Variants in LRP1B observed in about 807,000 individuals in gnomAD.
The protein encoded by LRP1B is LDL receptor related protein 1B, also known as low-density lipoprotein receptor-related protein 1B.
A neutral mutation model predicts 556.6 loss-of-function variants in LRP1B; 217 were observed. The ratio of observed to expected loss-of-function variants is 0.39; its 90% CI spans 0.35 to 0.44. The LOEUF is 0.44. Among genes scored for constraint, LRP1B ranks in the 20% least tolerant of loss-of-function variants. The probability of loss-of-function intolerance (pLI) is 1.00; values close to 1 mark genes in which losing one functional copy is unlikely to be tolerated. For synonymous variants in LRP1B, 2,047 were observed against 1,865.8 expected (o/e 1.10, Z -2.50); for missense variants, 5,053 against 5,620.8 (o/e 0.90, Z 3.23).
chr2:141,511,047 A>C (rs1684113360), intron 2 of LRP1B, among the ~76,000 whole-genome samples: 1 of 152,136 alleles, frequency 6.6e-6, no homozygotes, highest in Admixed American at 6.6e-5. Flanking sequence ...TAATAAGGTT[A>C]GAGTAGCTAG....
At chr2:141,091,689 T>G (rs1444119604) in intron 7 of LRP1B, among the ~76,000 whole-genome samples, 1 of 152,174 alleles carries the variant, frequency 6.6e-6, no homozygotes, top group Admixed American at 6.5e-5. Context: ...CCTGAAACAC[T>G]GAGCTGGAAT....
chr2:141,790,875 A>G (rs1008891273), intron 2 of LRP1B, among the ~76,000 whole-genome samples: 7 of 152,004 alleles, frequency 4.6e-5, no homozygotes, highest in African/African-American at 1.7e-4. Flanking sequence ...TTTGTTGTAT[A>G]GAAATACAAT....
intron 3 of LRP1B, among the ~76,000 whole-genome samples, chr2:141,440,563 G>C (rs991872579): frequency 4.6e-5 from 7 of 152,220 alleles, no homozygotes; most frequent in Non-Finnish European, 8.8e-5. Flanking sequence ...AGGGGTTAAC[G>C]CTCTGATCTT....
intron 41 of LRP1B, among the ~76,000 whole-genome samples, chr2:140,678,793 G>C (rs114094717): frequency 0.012 from 1,748 of 149,830 alleles, 35 homozygotes; most frequent in African/African-American, 0.04. Context: ...TTTTGGTTGG[G>C]GGGGAATGGA....
intron 1 of LRP1B, among the ~76,000 whole-genome samples, chr2:141,979,522 T>G (rs1287900758): frequency 6.6e-6 from 1 of 152,094 alleles, no homozygotes; most frequent in Admixed American, 6.6e-5. Context: ...TTATTTTATA[T>G]TTTTTCAGGT....
chr2:140,665,213 C>T (rs987737238), intron 41 of LRP1B, among the ~76,000 whole-genome samples: 3 of 152,150 alleles, frequency 2.0e-5, no homozygotes, highest in Non-Finnish European at 4.4e-5. Flanking sequence ...TACTTTTATT[C>T]ATAGAAATTT....
intron 6 of LRP1B, among the ~76,000 whole-genome samples, chr2:141,202,515 T>A (rs753573898): frequency 1.6e-4 from 25 of 152,232 alleles, no homozygotes; most frequent in Non-Finnish European, 3.4e-4. Context: ...ATGGTTGAAC[T>A]AATTAACACT....
chr2:141,129,567 G>A (rs1701297633), intron 7 of LRP1B, among the ~76,000 whole-genome samples: 1 of 150,620 alleles, frequency 6.6e-6, no homozygotes, highest in Non-Finnish European at 1.5e-5. Context: ...TAACAGTAGT[G>A]TGTGTGGGGG....
At chr2:141,754,906 A>C (rs550066904) in intron 2 of LRP1B, among the ~76,000 whole-genome samples, 1 of 152,258 alleles carries the variant, frequency 6.6e-6, no homozygotes, top group African/African-American at 2.4e-5. Context: ...TTTCCTCCAA[A>C]ATATCTAATT....
Position 141,259,934 on chromosome 2 carries a change from C to T in LRP1B, c.344-5293G>A, listed in dbSNP as rs577701383. Among the ~76,000 whole-genome samples the T allele has an allele frequency of 2.6e-5, 4 of 152,186 alleles. No homozygotes were observed. The East Asian group carries it at 7.7e-4, about 29-fold the overall frequency. On this transcript the variant is annotated intron_variant, in intron 3 of 90. Transcript: ENST00000389484. Reference sequence around the variant, plus strand: ...AGTTTATCATTTAAGCTGAATCATCCATTTAGTATAACAGAATTTCTATTG... The same window carrying T: ...AGTTTATCATTTAAGCTGAATCATCTATTTAGTATAACAGAATTTCTATTG...
chr2:140,273,100 G>C lies in LRP1B; in HGVS notation c.13142+1324C>G, dbSNP rs1038791795. 3.3e-5 allele frequency among the ~76,000 whole-genome samples: 5 copies of C among 151,934 alleles called. No individual in the cohort carries two copies. In the South Asian group the frequency reaches 8.3e-4, roughly 25 times the overall value. On this transcript the variant is annotated intron_variant, in intron 85 of 90. Transcript: ENST00000389484. ...CACATGAGCTTTTCCAAGGTAAAAT[G>C]GGTAGGAAACTTTGGCTCACACCAT...
At chr2:140,927,950 T>C (rs1238277724) in intron 20 of LRP1B, among the ~76,000 whole-genome samples, 1 of 152,060 alleles carries the variant, frequency 6.6e-6, no homozygotes, top group Non-Finnish European at 1.5e-5. Context: ...TTCACCATGT[T>C]GTCCAGGCAG....
At chr2:141,121,693 CA>C (rs1412542049) in intron 7 of LRP1B, among the ~76,000 whole-genome samples, 3 of 152,046 alleles carry the variant, frequency 2.0e-5, no homozygotes, top group African/African-American at 7.2e-5. Context: ...TTTATAGATT[CA>C]ATGCCATCCC....
At chr2:140,409,435 G>T (rs1422158011) in intron 66 of LRP1B, among the ~76,000 whole-genome samples, 1 of 151,926 alleles carries the variant, frequency 6.6e-6, no homozygotes, top group East Asian at 1.9e-4. Flanking sequence ...TTGATGAAAA[G>T]TAACAAGTTC....
intron 2 of LRP1B, among the ~76,000 whole-genome samples, chr2:141,753,195 C>A (rs1694182267): frequency 7.1e-6 from 1 of 139,954 alleles, no homozygotes; most frequent in African/African-American, 2.7e-5. Context: ...TTGCGGTGAG[C>A]CCAGATTGCA....
At chr2:142,108,798 G>A (rs1007997192) in intron 1 of LRP1B, among the ~76,000 whole-genome samples, 3 of 152,024 alleles carry the variant, frequency 2.0e-5, no homozygotes, top group South Asian at 2.1e-4. Flanking sequence ...TATCACTTAC[G>A]ATTATCTTAT....
intron 35 of LRP1B, among the ~76,000 whole-genome samples, chr2:140,728,832 T>C (rs1374672554): frequency 6.6e-6 from 1 of 152,120 alleles, no homozygotes; most frequent in Non-Finnish European, 1.5e-5. Context: ...CTCTGTGATA[T>C]GGGCAAGTTA....
rs769307889 is a variant in LRP1B at position 140,444,310 on chromosome 2, A to C, written c.10294+20T>G. 3 of 1,613,486 alleles carry C rather than the reference A, an allele frequency of 1.9e-6. No individual in the cohort carries two copies. Among genetic ancestry groups the C allele is most frequent in the Non-Finnish European group, 2.5e-6 (3 of 1,179,608 alleles). ...AGGAGTCAAAGTTAAGACAAGACAGAGTATTTTGAGGTGACTTACGACAGT... is the reference window on the plus strand; with the variant it reads ...AGGAGTCAAAGTTAAGACAAGACAGCGTATTTTGAGGTGACTTACGACAGT... On this transcript the variant is annotated intron_variant, in intron 65 of 90. Coordinates refer to ENST00000389484, the MANE Select transcript of LRP1B (RefSeq NM_018557.3).
At chr2:141,904,148 G>C (rs193101372) in intron 1 of LRP1B, among the ~76,000 whole-genome samples, 11 of 152,082 alleles carry the variant, frequency 7.2e-5, no homozygotes, top group Admixed American at 3.3e-4. Flanking sequence ...TTATGTGATA[G>C]ATAATTCAGA....
Sources: allele counts gnomAD v4.1 joint callset (sites outside exome capture counted in the v4.1 genomes callset), GRCh38; gene constraint gnomAD v4.1.1; transcripts MANE v1.5; gene names NCBI Gene and HGNC (gene_info 2026-07-23, HGNC 2026-07-21).